Variants in SCN2A observed in about 807,000 individuals in gnomAD.
SCN2A encodes sodium voltage-gated channel alpha subunit 2.
Under a neutral mutation model 188.7 loss-of-function variants are expected in SCN2A, and 20 were observed. That is an observed-to-expected ratio of 0.11 (90% CI 0.07 to 0.15). The LOEUF (loss-of-function observed/expected upper bound fraction) is 0.15. Among genes scored for constraint, SCN2A ranks in the 10% least tolerant of loss-of-function variants. SCN2A has a pLI of 1.00. For synonymous variants in SCN2A, 804 were observed against 833.1 expected (o/e 0.97, Z 0.60); for missense variants, 1,278 against 2,445.0 (o/e 0.52, Z 10.07).
intron 3 of SCN2A, among the ~76,000 whole-genome samples, chr2:165,303,233 C>A: frequency 6.9e-6 from 1 of 145,794 alleles, no homozygotes. Context: ...TCCATACCTA[C>A]ATTAAATACT....
At chr2:165,241,524 C>G (rs964196688) in intron 1 of SCN2A, among the ~76,000 whole-genome samples, 1 of 152,172 alleles carries the variant, frequency 6.6e-6, no homozygotes, top group Admixed American at 6.5e-5. Flanking sequence ...TCTTCAATAT[C>G]TTGAGAAAAG....
At chr2:165,339,392 A>G (rs951837052) in intron 14 of SCN2A, among the ~76,000 whole-genome samples, 35 of 152,070 alleles carry the variant, frequency 2.3e-4, no homozygotes, top group Non-Finnish European at 5.9e-5. Flanking sequence ...TTGCACTGGA[A>G]GTTTTATCAA....
At position 165,295,333 on chromosome 2, in the gene SCN2A, G is replaced by C. The variant is rs189718519; in HGVS notation, c.-51-440G>C. ...CGTGCAAAGACTTGGAGAGATATGT[G>C]CAAGATCCTCAGCTCAGGTTCTACA... On this transcript the variant is annotated intron_variant, in intron 1 of 26. Transcript: ENST00000375437. Among the ~76,000 whole-genome samples the C allele has an allele frequency of 4.8e-4, 73 of 152,328 alleles. 1 individual carries two copies. The highest frequency in any genetic ancestry group is 1.4e-3 in the Admixed American group (21 of 15,304).
At chr2:165,352,259 G>A (rs1204854908) in intron 16 of SCN2A, among the ~76,000 whole-genome samples, 1 of 151,752 alleles carries the variant, frequency 6.6e-6, no homozygotes, top group Non-Finnish European at 1.5e-5. Context: ...AATTCCAGAG[G>A]CAAAGGAGCA....
chr2:165,325,157 G>A (rs1370080409), intron 12 of SCN2A, among the ~76,000 whole-genome samples: 1 of 152,026 alleles, frequency 6.6e-6, no homozygotes, highest in African/African-American at 2.4e-5. Flanking sequence ...TACCATGCAG[G>A]AATACAGACA....
rs766840712 is a variant in SCN2A at position 165,380,570 on chromosome 2, T to C, written c.4309-22T>C. ...TGAAACAAGTACTAGATATAATGGTTACAATTCTTCATATTCTTTAGGTAG... is the reference window on the plus strand; with the variant it reads ...TGAAACAAGTACTAGATATAATGGTCACAATTCTTCATATTCTTTAGGTAG... On this transcript the variant is annotated intron_variant, in intron 23 of 26. Transcript: ENST00000375437. 1.9e-6 allele frequency: 3 copies of C among 1,543,650 alleles called. No homozygotes were observed. The South Asian group carries it at 3.4e-5, about 17-fold the overall frequency.
chr2:165,345,269 C>T (rs994014909), intron 16 of SCN2A, among the ~76,000 whole-genome samples: 3 of 152,098 alleles, frequency 2.0e-5, no homozygotes, highest in African/African-American at 7.2e-5. Flanking sequence ...TGGTTTTCTA[C>T]AAATTTAAAA....
intron 22 of SCN2A, 21 bp from the exon 23 acceptor site, chr2:165,377,576 A>G: frequency 6.3e-7 from 1 of 1,593,810 alleles, no homozygotes; most frequent in Non-Finnish European, 8.6e-7. Flanking sequence ...AAAAAAGAAA[A>G]TGATATGACT....
chr2:165,344,303 G>C (rs183006546), intron 15 of SCN2A, among the ~76,000 whole-genome samples: 3 of 151,924 alleles, frequency 2.0e-5, no homozygotes, highest in African/African-American at 7.3e-5. Context: ...GTGATCATTT[G>C]ACAAATAAAT....
intron 1 of SCN2A, among the ~76,000 whole-genome samples, chr2:165,291,501 T>TTCTC: frequency 7.1e-6 from 1 of 140,120 alleles, no homozygotes; most frequent in Non-Finnish European, 1.5e-5. Flanking sequence ...TTTTCTTTCT[T>TTCTC]TCTTTCTTTC....
chr2:165,271,345 G>C (rs1481837080), intron 1 of SCN2A: 1 of 152,128 alleles, frequency 6.6e-6, no homozygotes, highest in Non-Finnish European at 1.5e-5. Context: ...TCCCATTAAA[G>C]TATGATTCAT....
intron 21 of SCN2A, among the ~76,000 whole-genome samples, 188 bp from the exon 22 acceptor site, chr2:165,374,497 C>G (rs572690385): frequency 2.0e-5 from 3 of 151,992 alleles, no homozygotes; most frequent in East Asian, 1.9e-4. Context: ...ATATAAAATT[C>G]GTTGTATACT....
intron 26 of SCN2A, among the ~76,000 whole-genome samples, chr2:165,388,117 C>G (rs562700984): frequency 6.6e-6 from 1 of 152,228 alleles, no homozygotes; most frequent in Admixed American, 6.6e-5. Flanking sequence ...TCACCATTTA[C>G]TCATGCATAA....
At chr2:165,327,191 T>C (rs1428277380) in intron 13 of SCN2A, 4 of 555,058 alleles carry the variant, frequency 7.2e-6, no homozygotes, top group Non-Finnish European at 9.5e-6. Context: ...AGAAAGCTGC[T>C]GCAAATGTAA....
Position 165,344,845 on chromosome 2 carries a change from G to A in SCN2A, c.2853G>A (p.Met951Ile). The change falls in exon 16 of 27, where the codon ATG becomes ATA. Residue 951 changes from methionine to isoleucine, a missense_variant. Coordinates refer to ENST00000375437, the MANE Select transcript of SCN2A (RefSeq NM_001040142.2). The stretch of plus-strand genomic sequence containing the variant: ...GGATAGAGACCATGTGGGACTGTAT[G>A]GAGGTCGCTGGCCAAACCATGTGCC... ...GEWIETMWDC[M>I]EVAGQTMCLT... 1.2e-6 allele frequency: 2 copies of A among 1,614,200 alleles called. No homozygotes were observed. The highest frequency in any genetic ancestry group is 1.7e-6 in the Non-Finnish European group (2 of 1,180,042).
At chr2:165,314,779 A>G (rs552228476) in intron 10 of SCN2A, among the ~76,000 whole-genome samples, 9 of 152,284 alleles carry the variant, frequency 5.9e-5, no homozygotes, top group African/African-American at 1.9e-4. Context: ...AACTAATCCA[A>G]TTGCCTATTT....
intron 16 of SCN2A, among the ~76,000 whole-genome samples, chr2:165,347,377 G>A (rs1292229409): frequency 6.6e-6 from 1 of 152,012 alleles, no homozygotes; most frequent in Non-Finnish European, 1.5e-5. Context: ...TCACTCATAA[G>A]TGGGAGTTGA....
At chr2:165,383,706 C>G (rs1201546064) in intron 25 of SCN2A, among the ~76,000 whole-genome samples, 3 of 151,946 alleles carry the variant, frequency 2.0e-5, no homozygotes, top group Non-Finnish European at 4.4e-5. Flanking sequence ...TGAGCTATCA[C>G]CAGAGTGAAA....
intron 16 of SCN2A, among the ~76,000 whole-genome samples, chr2:165,353,744 G>A (rs1303925476): frequency 1.3e-5 from 2 of 152,082 alleles, no homozygotes; most frequent in Non-Finnish European, 2.9e-5. Flanking sequence ...TCACTAACAT[G>A]AGGACAGCAC....
Sources: allele counts gnomAD v4.1 joint callset (sites outside exome capture counted in the v4.1 genomes callset), GRCh38; gene constraint gnomAD v4.1.1; transcripts MANE v1.5; gene names NCBI Gene and HGNC (gene_info 2026-07-23, HGNC 2026-07-21).